Variants in MAPKAPK2 observed in about 807,000 individuals in gnomAD.
The protein encoded by MAPKAPK2 is MAPK activated protein kinase 2.
In MAPKAPK2, 9 loss-of-function variants were observed where a neutral mutation model predicts 48.8. That is an observed-to-expected ratio of 0.18 (90% confidence interval 0.11 to 0.32). The LOEUF is 0.32. Ranked by LOEUF, MAPKAPK2 falls within the 10% of genes least tolerant of loss-of-function variation. MAPKAPK2 has a pLI of 1.00. For missense variants in MAPKAPK2, 331 were observed against 498.3 expected (o/e 0.66, Z 3.20); for synonymous variants, 202 against 190.6 (o/e 1.06, Z -0.49).
chr1:206,699,701 C>T (rs1286823588), intron 1 of MAPKAPK2, among the ~76,000 whole-genome samples: 1 of 152,166 alleles, frequency 6.6e-6, no homozygotes, highest in Non-Finnish European at 1.5e-5. Flanking sequence ...TCTCATCCTT[C>T]TTGAGTTTAG....
intron 1 of MAPKAPK2, among the ~76,000 whole-genome samples, chr1:206,700,617 G>A (rs1672767559): frequency 6.6e-6 from 1 of 152,200 alleles, no homozygotes; most frequent in African/African-American, 2.4e-5. Context: ...TGGCCTGTGT[G>A]CTATAGCTGG....
At chr1:206,688,401 G>C (rs536712123) in intron 1 of MAPKAPK2, among the ~76,000 whole-genome samples, 1 of 152,240 alleles carries the variant, frequency 6.6e-6, no homozygotes, top group East Asian at 1.9e-4. Flanking sequence ...GCTGCTCCAG[G>C]GTGCTTCCAG....
intron 1 of MAPKAPK2, among the ~76,000 whole-genome samples, chr1:206,694,832 C>T (rs918475233): frequency 3.3e-5 from 5 of 152,230 alleles, no homozygotes; most frequent in Non-Finnish European, 7.3e-5. Context: ...CATCCCATAC[C>T]TTCTACATCC....
chr1:206,704,317 C>T lies in MAPKAPK2; in HGVS notation c.279+18809C>T, dbSNP rs1485959630. ...TACCTGGCCCACGGATGGAGGAGGTCGGATGGGGTCTCCCAGGGTCCCCTT... is the reference window on the plus strand; with the variant it reads ...TACCTGGCCCACGGATGGAGGAGGTTGGATGGGGTCTCCCAGGGTCCCCTT... On this transcript the variant is annotated intron_variant, in intron 1 of 9. Transcript: ENST00000367103. The surrounding 1 kb of genome is among the most constrained non-coding windows in gnomAD (Gnocchi z 4.3). Among the ~76,000 whole-genome samples the T allele has an allele frequency of 3.9e-5, 6 of 152,152 alleles. No homozygotes were observed. The East Asian group carries it at 5.8e-4, about 15-fold the overall frequency.
chr1:206,729,631 A>G (rs1553432343), intron 4 of MAPKAPK2, among the ~76,000 whole-genome samples, 156 bp downstream of exon 4: 1 of 152,200 alleles, frequency 6.6e-6, no homozygotes, highest in African/African-American at 2.4e-5. Flanking sequence ...CTCTCTGCCC[A>G]TGGGCAAACC....
chr1:206,689,332 G>GGAT (rs1429495561), intron 1 of MAPKAPK2, among the ~76,000 whole-genome samples: 1 of 152,128 alleles, frequency 6.6e-6, no homozygotes, highest in African/African-American at 2.4e-5. Context: ...TGATTATTCT[G>GGAT]GATGCTGTTG....
At chr1:206,703,237 G>T (rs1672853939) in intron 1 of MAPKAPK2, among the ~76,000 whole-genome samples, 1 of 152,158 alleles carries the variant, frequency 6.6e-6, no homozygotes, top group Non-Finnish European at 1.5e-5. Flanking sequence ...AGGCAAAACT[G>T]GTATTTAAAC....
chr1:206,731,394 C>A lies in MAPKAPK2; in HGVS notation c.892+132C>A, dbSNP rs1287886546. The A allele has an allele frequency of 1.0e-5, 15 of 1,494,724 alleles. No individual in the cohort carries two copies. The African/African-American group carries it at 2.1e-4, about 21-fold the overall frequency. 92.6% of individuals were successfully genotyped at this position (1,494,724 alleles called of 1,614,324 possible). A position where few individuals can be genotyped will look rare whatever the true frequency, so the allele number is the denominator to read the frequency against. On this transcript the variant is annotated intron_variant, in intron 7 of 9. Transcript: ENST00000367103. The surrounding 1 kb of genome is among the most constrained non-coding windows in gnomAD (Gnocchi z 5.9). ...TGTAACTGTGGGTTAGCACCTATGC[C>A]CACGCCTGCGGGGTGCGTCCTGCTT... is the stretch of plus-strand genomic sequence containing the variant.
intron 1 of MAPKAPK2, among the ~76,000 whole-genome samples, chr1:206,689,798 A>C (rs1219593294): frequency 6.6e-6 from 1 of 152,262 alleles, no homozygotes; most frequent in Non-Finnish European, 1.5e-5. Flanking sequence ...CCACACTTCA[A>C]GTGTTCAGTA....
At chr1:206,716,593 C>T (rs1198597762) in intron 1 of MAPKAPK2, among the ~76,000 whole-genome samples, 1 of 152,072 alleles carries the variant, frequency 6.6e-6, no homozygotes, top group East Asian at 1.9e-4. Context: ...CTCAGGTATA[C>T]GTTGCTGTGA....
At chr1:206,688,677 G>T (rs782751339) in intron 1 of MAPKAPK2, among the ~76,000 whole-genome samples, 2 of 151,790 alleles carry the variant, frequency 1.3e-5, no homozygotes, top group African/African-American at 4.8e-5. Flanking sequence ...TTGCTCTGTC[G>T]CCCAGGTTAG....
At chr1:206,718,983 AT>A (rs1319862229) in intron 1 of MAPKAPK2, among the ~76,000 whole-genome samples, 9 of 150,314 alleles carry the variant, frequency 6.0e-5, no homozygotes, top group East Asian at 5.8e-4. Flanking sequence ...AAACATTAAA[AT>A]TTTTTTTTTG....
chr1:206,701,831 TAAAAAAAAAAAAAAAA>T (rs1181483621), intron 1 of MAPKAPK2, among the ~76,000 whole-genome samples: 2 of 86,966 alleles, frequency 2.3e-5, no homozygotes, highest in African/African-American at 9.2e-5. Context: ...ACCCTGTCTC[TAAAAAAAAAAAAAAAA>T]AAAAAAAAAG....
In MAPKAPK2 at chr1:206,732,341, G is replaced by A. The variant is rs1673943845; in HGVS notation, c.1060-234G>A. ...CCTCCTATCCTGCGGGATCACTGGG[G>A]GGCTCTCAGGGAACAGCAGCAGTGC... On this transcript the variant is annotated intron_variant, in intron 9 of 9. Transcript: ENST00000367103. This position sits in a 1 kb window ranked among gnomAD's most constrained non-coding sequence, Gnocchi z 4.4. The A allele has an allele frequency of 5.5e-6, 8 of 1,443,320 alleles. No homozygotes were observed. Among genetic ancestry groups the A allele is most frequent in the Non-Finnish European group, 7.3e-6 (8 of 1,102,206 alleles). The allele number at this position is 1,443,320 out of a possible 1,614,324, so 89.4% of individuals were successfully genotyped here. A position where few individuals can be genotyped will look rare whatever the true frequency, so the allele number is the denominator to read the frequency against.
rs536098647 is a variant in MAPKAPK2 at position 206,729,115 on chromosome 1, T to C, written c.484+16T>C. On this transcript the variant is annotated intron_variant, in intron 3 of 9. Coordinates refer to ENST00000367103, the MANE Select transcript of MAPKAPK2 (RefSeq NM_032960.4). ...ACAGAAAGAGGTAGAAAGGGTCTGT[T>C]GTGGGAGCACGTGCAGGCAGGCAGG... The C allele has an allele frequency of 1.5e-5, 24 of 1,613,892 alleles. No individual in the cohort carries two copies. The highest frequency in any genetic ancestry group is 5.0e-5 in the Admixed American group (3 of 60,008).
At chr1:206,700,483 G>A (rs79869894) in intron 1 of MAPKAPK2, among the ~76,000 whole-genome samples, 6,295 of 152,250 alleles carry the variant, frequency 0.041, 283 homozygotes, top group African/African-American at 0.11. Context: ...TTGTTGGTAG[G>A]TTCAGTGTGT....
rs548121536 is a variant in MAPKAPK2, at chr1:206,704,118, A to G, written c.279+18610A>G. Among the ~76,000 whole-genome samples the G allele has an allele frequency of 6.6e-6, 1 of 152,358 alleles. No individual in the cohort carries two copies. The highest frequency in any genetic ancestry group is 2.1e-4 in the South Asian group (1 of 4,824). ...TACACAGGCTATATTTTTCCAATCC[A>G]AAGTGAGGGTCTATCTGATAGTTTT... On this transcript the variant is annotated intron_variant, in intron 1 of 9. Transcript: ENST00000367103. The surrounding 1 kb of genome is among the most constrained non-coding windows in gnomAD (Gnocchi z 4.3).
chr1:206,698,974 T>TACCC (rs1672711774), intron 1 of MAPKAPK2, among the ~76,000 whole-genome samples: 1 of 152,210 alleles, frequency 6.6e-6, no homozygotes, highest in African/African-American at 2.4e-5. Flanking sequence ...TGTGACTCCA[T>TACCC]TATAATTGGG....
chr1:206,709,776 A>C (rs1382826219), intron 1 of MAPKAPK2, among the ~76,000 whole-genome samples: 4 of 152,208 alleles, frequency 2.6e-5, no homozygotes, highest in Non-Finnish European at 5.9e-5. Context: ...TTTGGACCAG[A>C]TAAGCCTTTG....
Sources: allele counts gnomAD v4.1 joint callset (sites outside exome capture counted in the v4.1 genomes callset), GRCh38; gene constraint gnomAD v4.1.1; non-coding constraint Gnocchi (gnomAD v3.1); transcripts MANE v1.5; gene names NCBI Gene and HGNC (gene_info 2026-07-23, HGNC 2026-07-21).